Variants in GLG1 observed in about 807,000 individuals in gnomAD.
GLG1 encodes Golgi apparatus protein 1.
In GLG1, 38 loss-of-function variants were observed where a neutral mutation model predicts 160.5. The ratio of observed to expected loss-of-function variants is 0.24; its 90% CI spans 0.18 to 0.31. The LOEUF (loss-of-function observed/expected upper bound fraction) is 0.31, where lower values mean the gene tolerates loss of function less well. GLG1 is among the 10% of genes least tolerant of loss of function. The pLI is 1.00. For synonymous variants in GLG1, 644 were observed against 543.4 expected, an observed-to-expected ratio of 1.19 and a Z score of -2.57; for missense variants, 1,373 against 1,505.2, an observed-to-expected ratio of 0.91 and a Z score of 1.45.
intron 1 of GLG1, among the ~76,000 whole-genome samples, chr16:74,572,744 G>C (rs1344148582): frequency 1.3e-5 from 2 of 152,092 alleles, no homozygotes; most frequent in Non-Finnish European, 2.9e-5. Context: ...GTTCCCTTGA[G>C]TTCTGTGACC....
intron 4 of GLG1, among the ~76,000 whole-genome samples, chr16:74,500,650 A>C (rs1184569705): frequency 6.6e-6 from 1 of 152,212 alleles, no homozygotes; most frequent in Non-Finnish European, 1.5e-5. Flanking sequence ...TTAACTGGTT[A>C]AAAGCAGGAA....
intron 1 of GLG1, among the ~76,000 whole-genome samples, chr16:74,591,669 G>C (rs1958188826): frequency 6.6e-6 from 1 of 151,992 alleles, no homozygotes. Context: ...TTTTTGCGCT[G>C]TCCTTAACGT....
Position 74,534,870 on chromosome 16 carries a change from T to C in GLG1, c.439-2717A>G, listed in dbSNP as rs376878091. 1.6e-4 allele frequency among the ~76,000 whole-genome samples: 25 copies of C among 152,370 alleles called. No individual in the cohort carries two copies. The East Asian group carries it at 4.4e-3, about 27-fold the overall frequency. ...TGTCATTCCTTCCTAAGAGGTGCAGTACTGTGTGCTTAGTAATACTGTTAA... is the reference window on the plus strand; with the variant it reads ...TGTCATTCCTTCCTAAGAGGTGCAGCACTGTGTGCTTAGTAATACTGTTAA... On this transcript the variant is annotated intron_variant, in intron 1 of 25. Coordinates refer to ENST00000422840, the MANE Select transcript of GLG1 (RefSeq NM_001145667.2).
At chr16:74,575,375 T>A (rs1335250503) in intron 1 of GLG1, among the ~76,000 whole-genome samples, 1 of 152,198 alleles carries the variant, frequency 6.6e-6, no homozygotes, top group Non-Finnish European at 1.5e-5. Context: ...ACCAATCATA[T>A]GATGTCATAA....
In GLG1 at chr16:74,469,032, C is replaced by G. The variant is rs767559754; in HGVS notation, c.2350G>C (p.Val784Leu). 2 of 1,613,940 alleles carry G rather than the reference C, an allele frequency of 1.2e-6. No homozygotes were observed. The highest frequency in any genetic ancestry group is 1.7e-6 in the Non-Finnish European group (2 of 1,179,798). Reference sequence around the variant, plus strand: ...GCTTCCTGCAGAGTGTCATTGCGCACGGTCGTGCTCAGGCAGATCACCACG... The same window carrying G: ...GCTTCCTGCAGAGTGTCATTGCGCAGGGTCGTGCTCAGGCAGATCACCACG... ...VDVVICLSTT[V>L]RNDTLQEAKE... The change falls in exon 17 of 26, where the codon GTG (valine) becomes CTG (leucine). Residue 784 changes from valine to leucine, a missense_variant. By Grantham distance (32) the Val-to-Leu change is conservative. Coordinates refer to ENST00000422840, the MANE Select transcript of GLG1 (RefSeq NM_001145667.2).
intron 1 of GLG1, among the ~76,000 whole-genome samples, chr16:74,548,833 TA>T (rs1283800663): frequency 1.3e-5 from 2 of 152,044 alleles, no homozygotes; most frequent in African/African-American, 2.4e-5. Flanking sequence ...TCGTCTCTAC[TA>T]AAAATAGAAG....
chr16:74,460,635 T>C (rs537225974), intron 22 of GLG1, among the ~76,000 whole-genome samples: 2 of 152,218 alleles, frequency 1.3e-5, no homozygotes, highest in Non-Finnish European at 2.9e-5. Flanking sequence ...CCCACACCTG[T>C]GCCAGGGCTC....
At chr16:74,474,767 A>G in intron 12 of GLG1, 135 bp from the exon 13 acceptor site, 1 of 666,104 alleles carries the variant, frequency 1.5e-6, no homozygotes, top group Non-Finnish European at 2.7e-6. Context: ...CTCACTGAAC[A>G]GGACACAAAA....
intron 1 of GLG1, among the ~76,000 whole-genome samples, chr16:74,555,768 T>G (rs1410561315): frequency 6.6e-6 from 1 of 151,576 alleles, no homozygotes; most frequent in Non-Finnish European, 1.5e-5. Flanking sequence ...TTTAAAAGAT[T>G]TCTGTGGAAA....
intron 3 of GLG1, among the ~76,000 whole-genome samples, chr16:74,508,612 A>C (rs1239602030): frequency 3.9e-5 from 6 of 152,188 alleles, no homozygotes; most frequent in African/African-American, 1.4e-4. Context: ...TTTTGAGACC[A>C]ATAGAACCTG....
chr16:74,459,523 A>T (rs1344602415), intron 23 of GLG1, among the ~76,000 whole-genome samples, 159 bp downstream of exon 23: 1 of 152,180 alleles, frequency 6.6e-6, no homozygotes, highest in African/African-American at 2.4e-5. Context: ...GTCAAAATCA[A>T]ATGAAAGTTT....
At chr16:74,509,321 T>G (rs1425618870) in intron 2 of GLG1, among the ~76,000 whole-genome samples, 2 of 151,730 alleles carry the variant, frequency 1.3e-5, no homozygotes, top group Non-Finnish European at 2.9e-5. Context: ...TAAAAACCAT[T>G]AAAAAGTCAA....
chr16:74,483,658 C>A (rs1388196406), intron 9 of GLG1, among the ~76,000 whole-genome samples: 2 of 150,960 alleles, frequency 1.3e-5, no homozygotes, highest in Non-Finnish European at 3.0e-5. Context: ...CCTTTCTTTT[C>A]TTTTCTTTTT....
rs180710835 is a variant in GLG1 at position 74,571,363 on chromosome 16, T to C, written c.438+35294A>G. On this transcript the variant is annotated intron_variant, in intron 1 of 25. Coordinates refer to ENST00000422840, the MANE Select transcript of GLG1 (RefSeq NM_001145667.2). ...ACCCACAGATTCAGGGGCAAATATG[T>C]AGTTGTTGTTCTTGAGTCATTAAGT... Among the ~76,000 whole-genome samples the C allele has an allele frequency of 2.2e-3, 336 of 152,202 alleles. 1 individual carries two copies. The highest frequency in any genetic ancestry group is 7.3e-3 in the African/African-American group (302 of 41,538).
intron 3 of GLG1, among the ~76,000 whole-genome samples, chr16:74,507,912 G>C (rs972596676): frequency 3.9e-5 from 6 of 152,154 alleles, no homozygotes; most frequent in Non-Finnish European, 1.5e-5. Context: ...AAGGGAGTTT[G>C]AGATGTAGAA....
chr16:74,586,661 T>C (rs1958060631), intron 1 of GLG1, among the ~76,000 whole-genome samples: 1 of 151,820 alleles, frequency 6.6e-6, no homozygotes. Context: ...TTTAATAAAG[T>C]CAGAACTTTG....
At chr16:74,536,695 AT>A (rs1451749904) in intron 1 of GLG1, among the ~76,000 whole-genome samples, 2 of 152,156 alleles carry the variant, frequency 1.3e-5, no homozygotes, top group African/African-American at 2.4e-5. Flanking sequence ...CCTTTAATTT[AT>A]GTTTTAACGT....
intron 1 of GLG1, among the ~76,000 whole-genome samples, chr16:74,589,868 C>T (rs888600706): frequency 6.6e-6 from 1 of 152,120 alleles, no homozygotes. Flanking sequence ...ACACGGGAAG[C>T]AGAGGTTGCA....
chr16:74,462,732 G>A, intron 20 of GLG1, 102 bp from the exon 21 acceptor site: 1 of 1,024,522 alleles, frequency 9.8e-7, no homozygotes, highest in Non-Finnish European at 1.5e-6. Context: ...CAATGATCAT[G>A]ACTACAACCA....
Sources: allele counts gnomAD v4.1 joint callset (sites outside exome capture counted in the v4.1 genomes callset), GRCh38; gene constraint gnomAD v4.1.1; transcripts MANE v1.5; gene names NCBI Gene and HGNC (gene_info 2026-07-23, HGNC 2026-07-21).